The following PER2 variants were observed in gnomAD, a reference collection of about 807,000 sequenced individuals.
PER2 encodes period circadian regulator 2, also known as period circadian protein homolog 2.
A neutral mutation model predicts 121.0 loss-of-function variants in PER2; 66 were observed. That is an observed-to-expected ratio of 0.55 (90% CI 0.45 to 0.67). PER2 has a LOEUF of 0.67. Ranked by LOEUF, PER2 falls within the 30% of genes least tolerant of loss-of-function variation. PER2 has a pLI of 0.00. For synonymous variants in PER2, 684 were observed against 659.9 expected (o/e 1.04, Z -0.56); for missense variants, 1,521 against 1,635.0 (o/e 0.93, Z 1.20).
chr2:238,255,492 AAG>A, intron 18 of PER2, 163 bp downstream of exon 18: 1 of 754,842 alleles, frequency 1.3e-6, no homozygotes, highest in Non-Finnish European at 2.3e-6. Flanking sequence ...CCCCGGTGGG[AAG>A]TTCTACAGAA....
At chr2:238,271,943 A>G (rs1198810733) in intron 5 of PER2, among the ~76,000 whole-genome samples, 2 of 152,076 alleles carry the variant, frequency 1.3e-5, no homozygotes, top group Non-Finnish European at 2.9e-5. Context: ...GCCCCGCCAT[A>G]AACTTCTCCA....
chr2:238,266,044 C>G (rs1166510043), intron 8 of PER2, among the ~76,000 whole-genome samples: 1 of 152,086 alleles, frequency 6.6e-6, no homozygotes, highest in Non-Finnish European at 1.5e-5. Flanking sequence ...GTTGGGACTA[C>G]AGGCGTGTGC....
intron 3 of PER2, 25 bp from the exon 4 acceptor site, chr2:238,275,922 C>A (rs1222392868): frequency 1.2e-6 from 2 of 1,613,780 alleles, no homozygotes; most frequent in African/African-American, 2.7e-5. Flanking sequence ...AAAGAGGCAG[C>A]CAAATGTTAG....
chr2:238,284,203 G>C (rs1696714414), intron 1 of PER2, among the ~76,000 whole-genome samples: 2 of 152,162 alleles, frequency 1.3e-5, no homozygotes, highest in African/African-American at 4.8e-5. Flanking sequence ...CAGCATTTTG[G>C]GAGGCTGAGG....
intron 6 of PER2, among the ~76,000 whole-genome samples, chr2:238,270,347 TGAAG>T (rs1483018373): frequency 6.6e-6 from 1 of 151,398 alleles, no homozygotes; most frequent in Non-Finnish European, 1.5e-5. Context: ...TCATCAGAAA[TGAAG>T]GAAGAGGTGT....
chr2:238,294,944 G>A (rs911077147), upstream of PER2, among the ~76,000 whole-genome samples: 3 of 152,240 alleles, frequency 2.0e-5, no homozygotes, highest in African/African-American at 4.8e-5. Context: ...CACAGGTGGG[G>A]ATGGCTGGGG....
chr2:238,255,896 G>A lies in PER2; in HGVS notation c.2081C>T (p.Ala694Val), dbSNP rs777121125. The change falls in exon 18 of 23, where the codon GCT becomes GTT. Residue 694 changes from alanine (A) to valine (V), a missense_variant. Ala to Val is a moderately conservative substitution (Grantham distance 64). Coordinates refer to ENST00000254657, the MANE Select transcript of PER2 (RefSeq NM_022817.3). ...GTCCAGGGATTCTGGCCCACTCGCA[G>A]CATCTTCCACCATCTCTGTAACACA... is the stretch of plus-strand genomic sequence containing the variant. Reference protein sequence around the residue: ...PQPELEMVEDAASGPESLDCL... With the variant: ...PQPELEMVEDVASGPESLDCL... 12 of 1,614,234 alleles carry A rather than the reference G, an allele frequency of 7.4e-6. No homozygotes were observed. Among genetic ancestry groups the A allele is most frequent in the Non-Finnish European group, 1.0e-5 (12 of 1,180,048 alleles).
intron 2 of PER2, 95 bp downstream of exon 2, chr2:238,277,612 G>A (rs996801303): frequency 7.1e-7 from 1 of 1,399,356 alleles, no homozygotes; most frequent in African/African-American, 1.4e-5. Context: ...TGGTAATCAT[G>A]ATTTAAAGAT....
chr2:238,253,854 A>C lies in PER2; in HGVS notation c.2321-152T>G. On this transcript the variant is annotated intron_variant, in intron 18 of 22. Transcript: ENST00000254657. The surrounding 1 kb of genome is among the most constrained non-coding windows in gnomAD (Gnocchi z 5.6). The stretch of plus-strand genomic sequence containing the variant: ...CCTGATCCTCAGTGAAGTGAGAAAA[A>C]TCAGGGCAAAACATCAGGTTTTTCC... 1 of 649,814 alleles carries C rather than the reference A, an allele frequency of 1.5e-6. No individual in the cohort carries two copies. The highest frequency in any genetic ancestry group is 1.8e-5 in the South Asian group (1 of 56,724). 40.3% of individuals were successfully genotyped at this position (649,814 alleles called of 1,614,324 possible). A position where few individuals can be genotyped will look rare whatever the true frequency, so the allele number is the denominator to read the frequency against.
intron 21 of PER2, 45 bp from the exon 22 acceptor site, chr2:238,249,257 G>C: frequency 6.4e-7 from 1 of 1,563,022 alleles, no homozygotes; most frequent in Non-Finnish European, 8.8e-7. Context: ...AATGTCTTAA[G>C]GGTATCTATT....
the PER2 span, among the ~76,000 whole-genome samples, chr2:238,298,196 G>C: frequency 6.6e-6 from 1 of 151,974 alleles, no homozygotes; most frequent in East Asian, 1.9e-4. Flanking sequence ...CACCACGCCC[G>C]GCTAATTTTT....
chr2:238,253,305 G>A lies in PER2; in HGVS notation c.2718C>T (p.Phe906=). The change falls in exon 19 of 23, where the codon TTC becomes TTT. Residue 906 remains phenylalanine (F), a synonymous_variant. Transcript: ENST00000254657. The surrounding 1 kb of genome is among the most constrained non-coding windows in gnomAD (Gnocchi z 5.6). ...FPAPLAPVMA[F]MLPSYSFPSG... is the part of the protein sequence containing the mutation. ...AGGGGAAGGAATAACTGGGTAGCAT[G>A]AATGCCATGACAGGCGCCAAAGGGG... 1 of 1,613,640 alleles carries A rather than the reference G, an allele frequency of 6.2e-7. No homozygotes were observed. The highest frequency in any genetic ancestry group is 8.5e-7 in the Non-Finnish European group (1 of 1,179,744).
rs757864028 is a variant in PER2, at chr2:238,252,456, G to A, written c.3111+456C>T. Among the ~76,000 whole-genome samples the A allele has an allele frequency of 2.0e-5, 3 of 152,308 alleles. No individual in the cohort carries two copies. The highest frequency in any genetic ancestry group is 6.5e-5 in the Admixed American group (1 of 15,298). Reference sequence around the variant, plus strand: ...TAAGAATCTCACACAGTGTCCCTACGCCTGCGGAGGATGGAAACTGAGGTC... The same window carrying A: ...TAAGAATCTCACACAGTGTCCCTACACCTGCGGAGGATGGAAACTGAGGTC... On this transcript the variant is annotated intron_variant, in intron 19 of 22. Coordinates refer to ENST00000254657, the MANE Select transcript of PER2 (RefSeq NM_022817.3). The surrounding 1 kb of genome is among the most constrained non-coding windows in gnomAD (Gnocchi z 4.2).
At chr2:238,259,614 A>T (rs1232022315) in intron 14 of PER2, among the ~76,000 whole-genome samples, 1 of 152,258 alleles carries the variant, frequency 6.6e-6, no homozygotes, top group Non-Finnish European at 1.5e-5. Flanking sequence ...GCTACTCTGT[A>T]CAGCAAGAAC....
At position 238,251,711 on chromosome 2, in the gene PER2, G is replaced by A. The variant is rs149339333; in HGVS notation, c.3162C>T (p.Ser1054=). Residue 1054 remains serine, a synonymous_variant, in exon 20 of 23, where the codon AGC becomes AGT. Transcript: ENST00000254657. The part of the protein sequence containing the change: ...TQNSDALSTS[S]GLLNLLLNED... ...CATTCAGCAGGAGGTTTAGGAGGCC[G>A]CTTGACGTGGAAAGGGCGTCACTGT... 5.0e-5 allele frequency: 81 copies of A among 1,613,682 alleles called. No individual in the cohort carries two copies. Among genetic ancestry groups the A allele is most frequent in the East Asian group, 3.6e-4 (16 of 44,896 alleles).
At position 238,263,035 on chromosome 2, in the gene PER2, A is replaced by G; in HGVS notation, c.1070T>C (p.Leu357Pro). ...TGGGGTTTCAATCAGGTCCTGAGGT[A>G]GGTAGCCCAGGAGAGGGACCGCCCT... ...DERAVPLLGYLPQDLIETPVL... is the reference protein window; with the variant it reads ...DERAVPLLGYPPQDLIETPVL... The change falls in exon 10 of 23, where the codon CTA becomes CCA. Residue 357 changes from leucine (L) to proline (P), a missense_variant. Transcript: ENST00000254657. 6.2e-7 allele frequency: 1 copy of G among 1,613,640 alleles called. No homozygotes were observed.
At chr2:238,256,842 G>GA in intron 17 of PER2, 80 bp downstream of exon 17, 1 of 1,456,998 alleles carries the variant, frequency 6.9e-7, no homozygotes, top group Non-Finnish European at 9.5e-7. Context: ...TCTGCACTTA[G>GA]AAAAATTTAA....
intron 13 of PER2, 134 bp downstream of exon 13, chr2:238,260,694 G>C (rs1397598433): frequency 7.1e-6 from 7 of 985,996 alleles, no homozygotes; most frequent in Non-Finnish European, 9.5e-6. Flanking sequence ...AGTGGACAAA[G>C]TTTAGAAAGG....
chr2:238,260,262 T>TC, intron 13 of PER2, among the ~76,000 whole-genome samples: 1 of 151,480 alleles, frequency 6.6e-6, no homozygotes, highest in East Asian at 1.9e-4. Context: ...ACATTACATT[T>TC]TTTTTTTTTT....
Sources: gnomAD v4.1 joint callset for allele counts (sites outside exome capture counted in the v4.1 genomes callset) on GRCh38, gnomAD v4.1.1 for gene constraint, Gnocchi (gnomAD v3.1) non-coding constraint, MANE v1.5 for transcripts, NCBI Gene and HGNC (gene_info 2026-07-23, HGNC 2026-07-21) for gene names.